The following PPARGC1A variants were observed in gnomAD, a reference collection of about 807,000 sequenced individuals.
PPARGC1A encodes peroxisome proliferator-activated receptor gamma coactivator 1-alpha.
PPARGC1A carries 25 observed loss-of-function variants against 88.7 expected under a neutral mutation model. The observed-to-expected ratio is 0.28, with a 90% CI of 0.21 to 0.39. The LOEUF (loss-of-function observed/expected upper bound fraction) is 0.39. Ranked by LOEUF, PPARGC1A falls within the 10% of genes least tolerant of loss-of-function variation. The pLI, the probability that PPARGC1A is intolerant of heterozygous loss-of-function variation, is 1.00. For missense variants in PPARGC1A, 880 were observed against 968.7 expected (o/e 0.91, Z 1.22); for synonymous variants, 363 against 355.6 (o/e 1.02, Z -0.24).
At chr4:24,269,863 T>G in the PPARGC1A span, among the ~76,000 whole-genome samples, 1 of 152,214 alleles carries the variant, frequency 6.6e-6, no homozygotes, top group Non-Finnish European at 1.5e-5. Flanking sequence ...CTCTTAAACT[T>G]CTGGGTCTCA....
chr4:24,195,645 T>C, the PPARGC1A span, among the ~76,000 whole-genome samples: 1 of 152,336 alleles, frequency 6.6e-6, no homozygotes, highest in East Asian at 1.9e-4. Flanking sequence ...ATAAATTCAA[T>C]ACTTATTCCT....
the PPARGC1A span, among the ~76,000 whole-genome samples, chr4:24,288,328 G>C: frequency 2.0e-5 from 3 of 152,146 alleles, no homozygotes; most frequent in African/African-American, 7.2e-5. Context: ...CCTAGGGAAA[G>C]GCCATATGGT....
the PPARGC1A span, among the ~76,000 whole-genome samples, chr4:24,059,355 G>A: frequency 6.6e-6 from 1 of 152,168 alleles, no homozygotes; most frequent in Non-Finnish European, 1.5e-5. Context: ...ATTTGTTTAG[G>A]TGGGAATTGC....
chr4:24,191,278 G>C, the PPARGC1A span, among the ~76,000 whole-genome samples: 1 of 152,214 alleles, frequency 6.6e-6, no homozygotes, highest in South Asian at 2.1e-4. Flanking sequence ...CAGGTACCAG[G>C]CTATGTATTT....
chr4:23,908,373 AACTAC>A (rs1720320562), upstream of PPARGC1A, among the ~76,000 whole-genome samples: 1 of 152,208 alleles, frequency 6.6e-6, no homozygotes, highest in Non-Finnish European at 1.5e-5. Context: ...TGTATCATAA[AACTAC>A]ACTATAACTA....
the PPARGC1A span, among the ~76,000 whole-genome samples, chr4:24,146,323 T>C: frequency 1.1e-4 from 17 of 152,374 alleles, no homozygotes; most frequent in Middle Eastern, 3.4e-3. Context: ...TTAGCATTAA[T>C]CATGTGCATG....
At chr4:23,877,636 G>A (rs1478269882) in intron 2 of PPARGC1A, 2 of 150,820 alleles carry the variant, frequency 1.3e-5, no homozygotes, top group Non-Finnish European at 2.9e-5. Flanking sequence ...TACATCACAG[G>A]CAATTCATTT....
chr4:24,068,954 T>C, the PPARGC1A span, among the ~76,000 whole-genome samples: 1 of 152,332 alleles, frequency 6.6e-6, no homozygotes, highest in African/African-American at 2.4e-5. Context: ...GAAATGAGCA[T>C]GGAATTAGGG....
intron 2 of PPARGC1A, among the ~76,000 whole-genome samples, chr4:23,863,217 C>T (rs1022383362): frequency 1.3e-5 from 2 of 152,104 alleles, no homozygotes; most frequent in Admixed American, 6.6e-5. Flanking sequence ...GCTCTATGAC[C>T]TCAAGCCTGA....
At chr4:24,199,404 A>C in the PPARGC1A span, among the ~76,000 whole-genome samples, 1 of 152,192 alleles carries the variant, frequency 6.6e-6, no homozygotes, top group Non-Finnish European at 1.5e-5. Flanking sequence ...TGATAAGTGC[A>C]ACAAATGAGA....
chr4:23,849,002 G>T (rs1440767414), intron 2 of PPARGC1A, among the ~76,000 whole-genome samples: 2 of 152,062 alleles, frequency 1.3e-5, no homozygotes, highest in Non-Finnish European at 2.9e-5. Context: ...AATTTAGCCG[G>T]GCGTGGTAGC....
At chr4:24,186,554 A>C in the PPARGC1A span, among the ~76,000 whole-genome samples, 1 of 152,088 alleles carries the variant, frequency 6.6e-6, no homozygotes, top group East Asian at 1.9e-4. Context: ...GGGATAATTA[A>C]CTGAGTATGA....
chr4:23,932,795 C>T, the PPARGC1A span, among the ~76,000 whole-genome samples: 3 of 152,088 alleles, frequency 2.0e-5, no homozygotes, highest in Non-Finnish European at 4.4e-5. Context: ...TTCATGTACT[C>T]AAGTCTGATT....
intron 2 of PPARGC1A, among the ~76,000 whole-genome samples, chr4:23,854,242 T>C (rs1040754783): frequency 6.6e-6 from 1 of 152,204 alleles, no homozygotes; most frequent in African/African-American, 2.4e-5. Context: ...TTTTTAGTTT[T>C]AAGTAATGTT....
chr4:24,260,480 T>A, the PPARGC1A span, among the ~76,000 whole-genome samples: 1 of 152,184 alleles, frequency 6.6e-6, no homozygotes, highest in Non-Finnish European at 1.5e-5. Context: ...CATCTGAACA[T>A]CCAAAGAGAT....
chr4:24,051,948 A>C, the PPARGC1A span, among the ~76,000 whole-genome samples: 1 of 152,186 alleles, frequency 6.6e-6, no homozygotes, highest in East Asian at 1.9e-4. Flanking sequence ...AAAAAAAAAA[A>C]AAACTAAAAA....
rs545508988 is a variant in PPARGC1A at position 23,816,623 on chromosome 4, C to G, written c.878-2018G>C. On this transcript the variant is annotated intron_variant, in intron 7 of 12. Transcript: ENST00000264867. Reference sequence around the variant, plus strand: ...AATAATGAGGAATAATCTCTCTTTGCTGAGTAAATACCAATCAAATATGTC... The same window carrying G: ...AATAATGAGGAATAATCTCTCTTTGGTGAGTAAATACCAATCAAATATGTC... 3.3e-5 allele frequency among the ~76,000 whole-genome samples: 5 copies of G among 152,208 alleles called. No individual in the cohort carries two copies. In the South Asian group the frequency reaches 6.2e-4, roughly 19 times the overall value.
At chr4:24,472,827 C>T in the PPARGC1A span, among the ~76,000 whole-genome samples, 2 of 150,596 alleles carry the variant, frequency 1.3e-5, no homozygotes, top group African/African-American at 4.9e-5. This position sits in a 1 kb window ranked among gnomAD's most constrained non-coding sequence, Gnocchi z 4.5. Context: ...AGCGAGAGAC[C>T]GCAGGGGAAG....
At chr4:23,824,552 T>C (rs745325568) in intron 5 of PPARGC1A, 44 bp from the exon 6 acceptor site, 1 of 1,488,226 alleles carries the variant, frequency 6.7e-7, no homozygotes, top group Non-Finnish European at 9.2e-7. Flanking sequence ...ATTGAGTGTC[T>C]TTTAGATTTC....
Sources: allele counts gnomAD v4.1 joint callset (sites outside exome capture counted in the v4.1 genomes callset), GRCh38; gene constraint gnomAD v4.1.1; non-coding constraint Gnocchi (gnomAD v3.1); transcripts MANE v1.5; gene names NCBI Gene and HGNC (gene_info 2026-07-23, HGNC 2026-07-21).